SLC38A10: variants seen among roughly 807,000 people sequenced by gnomAD.
SLC38A10 encodes solute carrier family 38 member 10.
In SLC38A10, 53 loss-of-function variants were observed where a neutral mutation model predicts 81.0. The ratio of observed to expected loss-of-function variants is 0.65; its 90% CI spans 0.53 to 0.82. SLC38A10 has a LOEUF of 0.82. Ranked by LOEUF, SLC38A10 falls within the 40% of genes least tolerant of loss-of-function variation. SLC38A10 has a pLI of 0.00. For synonymous variants in SLC38A10, 665 were observed against 655.3 expected, an observed-to-expected ratio of 1.01 and a Z score of -0.23; for missense variants, 1,471 against 1,545.0, an observed-to-expected ratio of 0.95 and a Z score of 0.80.
rs992573202 is a variant in SLC38A10 at position 81,277,104 on chromosome 17, T to C, written c.656A>G (p.Asp219Gly). The change falls in exon 7 of 16, where the codon GAT (aspartate) becomes GGT (glycine). Residue 219 changes from aspartate (D) to glycine (G), a missense_variant. Around this residue, in one of 2 missense-constraint regions of SLC38A10, gnomAD observed 720 missense variants for 827.7 expected, o/e 0.87. Transcript: ENST00000374759. This position sits in a 1 kb window ranked among gnomAD's most constrained non-coding sequence, Gnocchi z 4.5. ...GCTCATGGTTTTCACTGACGGCTCA[T>C]CCAGGCTGTCGTAGGTGGGCAGCAC... ...SQVLPTYDSLDEPSVKTMSSI... is the reference protein window; with the variant it reads ...SQVLPTYDSLGEPSVKTMSSI... 12 of 1,613,984 alleles carry C rather than the reference T, an allele frequency of 7.4e-6. No homozygotes were observed. Among genetic ancestry groups the C allele is most frequent in the Non-Finnish European group, 1.0e-5 (12 of 1,179,934 alleles).
At chr17:81,249,434 G>A in intron 14 of SLC38A10, among the ~76,000 whole-genome samples, 1 of 5,596 alleles carries the variant, frequency 1.8e-4, no homozygotes, top group Admixed American at 1.6e-3. Flanking sequence ...GGAGAAGGAG[G>A]GAGGGAGAAG....
rs1389051039 is a variant in SLC38A10 at position 81,277,273 on chromosome 17, CAGCGCTGAGGCCAGGACTTGGT to C, written c.627-162_627-141del. On this transcript the variant is annotated intron_variant, in intron 6 of 15. Coordinates refer to ENST00000374759, the MANE Select transcript of SLC38A10 (RefSeq NM_001037984.3). The surrounding 1 kb of genome is among the most constrained non-coding windows in gnomAD (Gnocchi z 4.5). ...AACATTCTCTGCACACTGGAAGTCC[CAGCGCTGAGGCCAGGACTTGGT>C]GTTGCTGAGGACAGGAGCGTTGCAG... The C allele has an allele frequency of 1.3e-6, 1 of 745,148 alleles. No individual in the cohort carries two copies. Among genetic ancestry groups the C allele is most frequent in the African/African-American group, 1.7e-5 (1 of 57,564 alleles). 46.2% of individuals were successfully genotyped at this position (745,148 alleles called of 1,614,324 possible). A position where few individuals can be genotyped will look rare whatever the true frequency, so the allele number is the denominator to read the frequency against.
intron 14 of SLC38A10, among the ~76,000 whole-genome samples, chr17:81,247,847 G>C (rs1354359791): frequency 7.3e-6 from 1 of 136,974 alleles, no homozygotes; most frequent in Non-Finnish European, 1.6e-5. Context: ...TCTCAAAAAA[G>C]AAAAAAAGAA....
rs936116542 is a variant in SLC38A10, at chr17:81,279,622, G to A, written c.626+987C>T. On this transcript the variant is annotated intron_variant, in intron 6 of 15. Coordinates refer to ENST00000374759, the MANE Select transcript of SLC38A10 (RefSeq NM_001037984.3). ...CACTTGTTGAGCCGCACGCTCCAGC[G>A]CTTCAACCCAGCACCTGACTCCGGA... 7 of 154,614 alleles carry A rather than the reference G, an allele frequency of 4.5e-5. No individual in the cohort carries two copies. The South Asian group carries it at 7.7e-4, about 17-fold the overall frequency. The allele number at this position is 154,614 out of a possible 1,614,324, so 9.6% of individuals were successfully genotyped here. A position where few individuals can be genotyped will look rare whatever the true frequency, so the allele number is the denominator to read the frequency against.
rs2062930682 is a variant in SLC38A10 at position 81,252,650 on chromosome 17, T to C, written c.1490A>G (p.His497Arg). ...IAVPVGEAHR[H>R]EPPVPHDKVV... ...CTTGTCGTGAGGAACAGGAGGCTCGTGGCGGTGGGCCTCGCCCACAGGCAC... is the reference window on the plus strand; with the variant it reads ...CTTGTCGTGAGGAACAGGAGGCTCGCGGCGGTGGGCCTCGCCCACAGGCAC... The change falls in exon 13 of 16, where the codon CAC (histidine) becomes CGC (arginine). Residue 497 changes from histidine to arginine, a missense_variant. By Grantham distance (29) the His-to-Arg change is conservative. Around this residue, in one of 2 missense-constraint regions of SLC38A10, gnomAD observed 720 missense variants for 827.7 expected, o/e 0.87. Transcript: ENST00000374759. 1.2e-6 allele frequency: 2 copies of C among 1,609,828 alleles called. No individual in the cohort carries two copies. Among genetic ancestry groups the C allele is most frequent in the Non-Finnish European group, 1.7e-6 (2 of 1,179,724 alleles).
At position 81,253,601 on chromosome 17, in the gene SLC38A10, C is replaced by CCACCAT. The variant is rs918249724; in HGVS notation, c.1289-367_1289-362dup. ...ATCACCGTCACCTCCACCACCACCA[C>CCACCAT]CACCATCACCGCTATCATCACCATC... On this transcript the variant is annotated intron_variant, in intron 11 of 15. Transcript: ENST00000374759. This position sits in a 1 kb window ranked among gnomAD's most constrained non-coding sequence, Gnocchi z 4.1. Among the ~76,000 whole-genome samples the CCACCAT allele has an allele frequency of 6.6e-6, 1 of 151,868 alleles. No homozygotes were observed. The highest frequency in any genetic ancestry group is 1.5e-5 in the Non-Finnish European group (1 of 67,974).
rs1202223533 is a variant in SLC38A10, at chr17:81,295,239, G to C, written c.-318C>G. ...CCTGTGAATCTCCGAGCCCAGACCC[G>C]GAAGAGCCGCAGAGCCAGCTAGGGA... On this transcript the variant is annotated 5_prime_UTR_variant, in exon 1 of 16. Coordinates refer to ENST00000374759, the MANE Select transcript of SLC38A10 (RefSeq NM_001037984.3). The C allele has an allele frequency of 5.9e-6, 1 of 169,352 alleles. No individual in the cohort carries two copies. Among genetic ancestry groups the C allele is most frequent in the African/African-American group, 2.4e-5 (1 of 41,784 alleles). The allele number at this position is 169,352 out of a possible 1,614,324, so 10.5% of individuals were successfully genotyped here. A position where few individuals can be genotyped will look rare whatever the true frequency, so the allele number is the denominator to read the frequency against.
At position 81,246,018 on chromosome 17, in the gene SLC38A10, A is replaced by G; in HGVS notation, c.2898T>C (p.Asp966=). ...LRQPELRVIS[D]GEQGGQQGHR... The stretch of plus-strand genomic sequence containing the variant: ...GGCCCTGCTGTCCACCCTGCTCGCC[A>G]TCAGAGATGACCCGCAGTTCCGGCT... The change falls in exon 16 of 16, where the codon GAT becomes GAC. Residue 966 remains aspartate (D), a synonymous_variant. Coordinates refer to ENST00000374759, the MANE Select transcript of SLC38A10 (RefSeq NM_001037984.3). 6.2e-7 allele frequency: 1 copy of G among 1,610,214 alleles called. No individual in the cohort carries two copies. Among genetic ancestry groups the G allele is most frequent in the Middle Eastern group, 1.7e-4 (1 of 6,046 alleles).
Position 81,253,025 on chromosome 17 carries a change from A to G in SLC38A10, c.1456+48T>C. The G allele has an allele frequency of 6.3e-7, 1 of 1,595,334 alleles. No individual in the cohort carries two copies. Among genetic ancestry groups the G allele is most frequent in the South Asian group, 1.1e-5 (1 of 90,438 alleles). ...CAGGGTGTCCAGCCTGCAAAGGAGGACCCGGGGCCGCCCTTCCCCATCCGC... is the reference window on the plus strand; with the variant it reads ...CAGGGTGTCCAGCCTGCAAAGGAGGGCCCGGGGCCGCCCTTCCCCATCCGC... On this transcript the variant is annotated intron_variant, in intron 12 of 15. Transcript: ENST00000374759. This position sits in a 1 kb window ranked among gnomAD's most constrained non-coding sequence, Gnocchi z 4.1.
In SLC38A10 at chr17:81,294,805, CG is replaced by C; in HGVS notation, c.99+17del. 6.4e-7 allele frequency: 1 copy of C among 1,566,880 alleles called. No individual in the cohort carries two copies. The highest frequency in any genetic ancestry group is 8.6e-7 in the Non-Finnish European group (1 of 1,156,216). On this transcript the variant is annotated intron_variant, in intron 1 of 15. Transcript: ENST00000374759. ...CGGGGGAGGCGAGGGCGGTGATCTC[CG>C]GGCCCACCGGACTCACCTGTTTGAA...
Position 81,246,458 on chromosome 17 carries a change from C to T in SLC38A10, c.2458G>A (p.Gly820Ser), listed in dbSNP as rs199573019. 2.0e-4 allele frequency: 311 copies of T among 1,582,878 alleles called. 2 individuals are homozygous for T. The East Asian group carries it at 2.8e-3, about 14-fold the overall frequency. ...VGRDPAGPPDGGPDTEPRAAQ... is the reference protein window; with the variant it reads ...VGRDPAGPPDSGPDTEPRAAQ... ...GCCCGAGGCTCTGTGTCAGGGCCGC[C>T]GTCAGGAGGGCCAGCAGGGTCTCTG... Residue 820 changes from glycine (G) to serine (S), a missense_variant, in exon 16 of 16, where the codon GGC becomes AGC. Physicochemically the swap from Gly to Ser is moderately conservative, Grantham distance 56 (BLOSUM62 0). This residue lies in a region of SLC38A10 where 751 missense variants were observed against 717.4 expected (regional missense o/e 1.05). Coordinates refer to ENST00000374759, the MANE Select transcript of SLC38A10 (RefSeq NM_001037984.3).
chr17:81,289,650 C>CG lies in SLC38A10; in HGVS notation c.217+40dup. The stretch of plus-strand genomic sequence containing the variant: ...AAATAAATAAATGGAATAAGGCCCC[C>CG]GCCCCAGGTCCAGAGCCACCTTGTG... On this transcript the variant is annotated intron_variant, in intron 2 of 15. Coordinates refer to ENST00000374759, the MANE Select transcript of SLC38A10 (RefSeq NM_001037984.3). This position sits in a 1 kb window ranked among gnomAD's most constrained non-coding sequence, Gnocchi z 5.9. The CG allele has an allele frequency of 2.8e-6, 4 of 1,414,254 alleles. No homozygotes were observed. Among genetic ancestry groups the CG allele is most frequent in the Non-Finnish European group, 3.9e-6 (4 of 1,038,130 alleles). The allele number at this position is 1,414,254 out of a possible 1,614,324, so 87.6% of individuals were successfully genotyped here. A position where few individuals can be genotyped will look rare whatever the true frequency, so the allele number is the denominator to read the frequency against.
chr17:81,250,215 G>A (rs1202091138), intron 14 of SLC38A10: 1 of 1,014,352 alleles, frequency 9.9e-7, no homozygotes, highest in Non-Finnish European at 1.3e-6. Flanking sequence ...ATAGGAATTG[G>A]AACCAACAAA....
intron 11 of SLC38A10, among the ~76,000 whole-genome samples, chr17:81,255,723 T>A (rs1294056965): frequency 1.3e-5 from 2 of 152,214 alleles, no homozygotes; most frequent in Non-Finnish European, 2.9e-5. Flanking sequence ...AGGCCAGGCA[T>A]GATGGCTCAC....
At chr17:81,271,138 C>T in intron 9 of SLC38A10, 114 bp from the exon 10 acceptor site, 1 of 864,924 alleles carries the variant, frequency 1.2e-6, no homozygotes, top group Non-Finnish European at 1.8e-6. Flanking sequence ...GAAATGCCGT[C>T]TAGGCGTGAG....
At chr17:81,255,793 C>A in intron 11 of SLC38A10, among the ~76,000 whole-genome samples, 1 of 152,206 alleles carries the variant, frequency 6.6e-6, no homozygotes, top group Non-Finnish European at 1.5e-5. Context: ...GTCAGGAGTT[C>A]AACACCATCC....
rs764017042 is a variant in SLC38A10 at position 81,277,023 on chromosome 17, G to A, written c.729+8C>T. 6.2e-7 allele frequency: 1 copy of A among 1,611,886 alleles called. No homozygotes were observed. Among genetic ancestry groups the A allele is most frequent in the South Asian group, 1.1e-5 (1 of 91,030 alleles). On this transcript the variant is annotated splice_region_variant and intron_variant, in intron 7 of 15. Transcript: ENST00000374759. This position sits in a 1 kb window ranked among gnomAD's most constrained non-coding sequence, Gnocchi z 4.5. The stretch of plus-strand genomic sequence containing the variant: ...ACAGGGGCGGAGAGGGCGTGGCAAG[G>A]CTCTTACCATGACGTAGAAGGTGGT...
rs9898133 is a variant in SLC38A10, at chr17:81,276,197, C to T, written c.730-46G>A. On this transcript the variant is annotated intron_variant, in intron 7 of 15. Coordinates refer to ENST00000374759, the MANE Select transcript of SLC38A10 (RefSeq NM_001037984.3). The surrounding 1 kb of genome is among the most constrained non-coding windows in gnomAD (Gnocchi z 4.7). ...GCAACGTGGCAGACAGACATCCTAG[C>T]CGAGTGGCACCTGTCACAGTGGGCA... is the stretch of plus-strand genomic sequence containing the variant. The T allele has an allele frequency of 0.43, 654,288 of 1,534,614 alleles. 146,635 individuals are homozygous for T. Among genetic ancestry groups the T allele is most frequent in the African/African-American group, 0.75 (55,055 of 73,330 alleles).
intron 2 of SLC38A10, chr17:81,285,175 C>A (rs151323053): frequency 6.2e-6 from 2 of 321,776 alleles, no homozygotes; most frequent in South Asian, 6.4e-5. Context: ...CAAGTCCCTG[C>A]GATGCAGTCC....
Sources: gnomAD v4.1 joint callset for allele counts (sites outside exome capture counted in the v4.1 genomes callset) on GRCh38, gnomAD v4.1.1 for gene constraint, gnomAD v4.1.1 regional missense constraint, Gnocchi (gnomAD v3.1) non-coding constraint, MANE v1.5 for transcripts, NCBI Gene and HGNC (gene_info 2026-07-23, HGNC 2026-07-21) for gene names.